The following USP34 variants were observed in gnomAD, a reference collection of about 807,000 sequenced individuals.
USP34 encodes the protein ubiquitin carboxyl-terminal hydrolase 34.
In USP34, 70 loss-of-function variants were observed where a neutral mutation model predicts 460.3. The observed-to-expected ratio is 0.15, with a 90% CI of 0.13 to 0.19. USP34 has a LOEUF of 0.19. Among genes scored for constraint, USP34 ranks in the 10% least tolerant of loss-of-function variants. The pLI, the probability that USP34 is intolerant of heterozygous loss-of-function variation, is 1.00. For synonymous variants in USP34, 1,647 were observed against 1,405.3 expected (o/e 1.17, Z -3.85); for missense variants, 3,985 against 4,236.2 (o/e 0.94, Z 1.65).
chr2:61,425,424 T>A (rs1002756325), intron 1 of USP34, among the ~76,000 whole-genome samples: 3 of 151,916 alleles, frequency 2.0e-5, no homozygotes, highest in Admixed American at 6.6e-5. Context: ...AAAGGCCTGG[T>A]GCCTAGAGCC....
At chr2:61,331,160 TAA>T (rs1286600492) in intron 20 of USP34, 114 bp downstream of exon 20, 1 of 865,426 alleles carries the variant, frequency 1.2e-6, no homozygotes, top group African/African-American at 1.8e-5. Flanking sequence ...TTTATACAAA[TAA>T]AGTTTTCTGT....
intron 5 of USP34, among the ~76,000 whole-genome samples, chr2:61,384,763 A>C (rs1290979730): frequency 6.6e-6 from 1 of 151,980 alleles, no homozygotes; most frequent in African/African-American, 2.4e-5. Context: ...GTCTATAAAA[A>C]CCCTGTAGTA....
At chr2:61,224,555 A>G (rs1687676046) in intron 62 of USP34, among the ~76,000 whole-genome samples, 1 of 152,224 alleles carries the variant, frequency 6.6e-6, no homozygotes, top group African/African-American at 2.4e-5. Context: ...CTCATTAATT[A>G]GCTTGAATAC....
rs150013102 is a variant in USP34, at chr2:61,421,688, G to A, written c.44-855C>T. Among the ~76,000 whole-genome samples, 699 of 152,202 alleles carry A rather than the reference G, an allele frequency of 4.6e-3. 7 individuals carry two copies. Among genetic ancestry groups the A allele is most frequent in the Middle Eastern group, 0.034 (10 of 294 alleles). On this transcript the variant is annotated intron_variant, in intron 1 of 79. Transcript: ENST00000398571. ...CACTGTATCACATTAACGTGAGGAGGGGAAATCCCCTATGAAGCAGTAATA... is the reference window on the plus strand; with the variant it reads ...CACTGTATCACATTAACGTGAGGAGAGGAAATCCCCTATGAAGCAGTAATA...
At position 61,285,486 on chromosome 2, in the gene USP34, CAAA is replaced by C. The variant is rs35055379; in HGVS notation, c.4750-532_4750-530del. On this transcript the variant is annotated intron_variant, in intron 34 of 79. Transcript: ENST00000398571. ...TGAACAACAAAATGAGAATCTGTCTCAAAAAAAAAAAAAAAAAAGTAAGAAAAG... is the reference window on the plus strand; with the variant it reads ...TGAACAACAAAATGAGAATCTGTCTCAAAAAAAAAAAAAAAGTAAGAAAAG... Among the ~76,000 whole-genome samples, 254 of 108,458 alleles carry C rather than the reference CAAA, an allele frequency of 2.3e-3. 3 individuals are homozygous for C. In the East Asian group the frequency reaches 0.04, roughly 17 times the overall value. 71.2% of individuals were successfully genotyped at this position (108,458 alleles called of 152,430 possible). A position where few individuals can be genotyped will look rare whatever the true frequency, so the allele number is the denominator to read the frequency against.
Position 61,350,310 on chromosome 2 carries a change from C to T in USP34, c.1457G>A (p.Ser486Asn). ...LAAKAQLSKQ[S>N]SFASLLNTNI... The stretch of plus-strand genomic sequence containing the variant: ...AGTATTTAATAAAGATGCAAAAGAA[C>T]TCTGTTTAGATAACTGAGCCTTAGC... The change falls in exon 12 of 80, where the codon AGT (serine) becomes AAT (asparagine). Residue 486 changes from serine to asparagine, a missense_variant. Transcript: ENST00000398571. 3 of 1,612,984 alleles carry T rather than the reference C, an allele frequency of 1.9e-6. No homozygotes were observed. The highest frequency in any genetic ancestry group is 1.3e-5 in the African/African-American group (1 of 75,012).
At chr2:61,315,611 C>G (rs1356843201) in intron 23 of USP34, among the ~76,000 whole-genome samples, 1 of 151,950 alleles carries the variant, frequency 6.6e-6, no homozygotes. Context: ...CCAACCTCAG[C>G]TGATCCACCC....
intron 1 of USP34, among the ~76,000 whole-genome samples, chr2:61,461,413 C>A (rs997360086): frequency 6.6e-6 from 1 of 151,036 alleles, no homozygotes; most frequent in Non-Finnish European, 1.5e-5. Flanking sequence ...AAAAAAAAAA[C>A]CCAAAACACT....
intron 10 of USP34, among the ~76,000 whole-genome samples, chr2:61,356,834 T>G (rs920601427): frequency 3.3e-5 from 5 of 152,182 alleles, no homozygotes; most frequent in African/African-American, 1.2e-4. Context: ...ACTACACACT[T>G]AAAAATGATT....
At chr2:61,299,885 T>A (rs1410414134) in intron 29 of USP34, among the ~76,000 whole-genome samples, 1 of 152,254 alleles carries the variant, frequency 6.6e-6, no homozygotes, top group Non-Finnish European at 1.5e-5. Context: ...CTCTATTTGA[T>A]GTTCCTCAGG....
intron 1 of USP34, among the ~76,000 whole-genome samples, chr2:61,466,987 CAG>C (rs1210973430): frequency 6.6e-6 from 1 of 151,790 alleles, no homozygotes; most frequent in Non-Finnish European, 1.5e-5. Flanking sequence ...TCACAAGAAA[CAG>C]TGTTTTTGGT....
At chr2:61,266,818 C>A (rs1689061212) in intron 41 of USP34, among the ~76,000 whole-genome samples, 2 of 152,188 alleles carry the variant, frequency 1.3e-5, no homozygotes, top group Non-Finnish European at 2.9e-5. Flanking sequence ...CACAGAAAGG[C>A]TGACCTTTGC....
intron 2 of USP34, among the ~76,000 whole-genome samples, chr2:61,412,448 G>C (rs935285220): frequency 6.6e-6 from 1 of 151,924 alleles, no homozygotes; most frequent in African/African-American, 2.4e-5. Context: ...GCACTGTAAT[G>C]TATGCAAATA....
chr2:61,356,486 CACACACACACACAT>C (rs1376486132), intron 10 of USP34, among the ~76,000 whole-genome samples: 6 of 138,178 alleles, frequency 4.3e-5, no homozygotes, highest in South Asian at 3.1e-4. Context: ...CACACACACA[CACACACACACACAT>C]ACACACACAC....
chr2:61,242,300 A>T (rs985326378), intron 51 of USP34, among the ~76,000 whole-genome samples: 10 of 152,164 alleles, frequency 6.6e-5, no homozygotes, highest in African/African-American at 2.4e-4. Flanking sequence ...ATCCTTCACA[A>T]ACATAATTTT....
At chr2:61,313,912 TTTAACAA>T (rs1348662753) in intron 25 of USP34, among the ~76,000 whole-genome samples, 1 of 152,084 alleles carries the variant, frequency 6.6e-6, no homozygotes, top group East Asian at 1.9e-4. Context: ...AGTTACTAAC[TTTAACAA>T]TTTTTTTCAA....
intron 70 of USP34, 50 bp downstream of exon 70, chr2:61,208,849 G>T (rs766010543): frequency 7.3e-7 from 1 of 1,367,286 alleles, no homozygotes; most frequent in Non-Finnish European, 1.0e-6. Flanking sequence ...GTCTTGGTGA[G>T]AACATTAAAA....
At chr2:61,375,009 T>G (rs1245498245) in intron 8 of USP34, among the ~76,000 whole-genome samples, 4 of 152,166 alleles carry the variant, frequency 2.6e-5, no homozygotes, top group Non-Finnish European at 5.9e-5. Flanking sequence ...AACAGCAGAA[T>G]GTACAGTCTT....
intron 48 of USP34, among the ~76,000 whole-genome samples, chr2:61,253,314 T>A (rs920588566): frequency 6.6e-6 from 1 of 152,216 alleles, no homozygotes; most frequent in African/African-American, 2.4e-5. Flanking sequence ...CAATTAGAGA[T>A]TCTCCAAAGA....
Sources: allele counts gnomAD v4.1 joint callset (sites outside exome capture counted in the v4.1 genomes callset), GRCh38; gene constraint gnomAD v4.1.1; transcripts MANE v1.5; gene names NCBI Gene and HGNC (gene_info 2026-07-23, HGNC 2026-07-21).